Variants in RAE1 observed in about 807,000 individuals in gnomAD.
The protein encoded by RAE1 is mRNA export factor RAE1.
A neutral mutation model predicts 52.7 loss-of-function variants in RAE1; 13 were observed. The observed-to-expected ratio is 0.25, with a 90% CI of 0.16 to 0.39. RAE1 has a LOEUF of 0.39. RAE1 is among the 10% of genes least tolerant of loss of function. RAE1 has a pLI of 1.00. For missense variants in RAE1, 262 were observed against 459.8 expected, an observed-to-expected ratio of 0.57 and a Z score of 3.93; for synonymous variants, 164 against 153.1, an observed-to-expected ratio of 1.07 and a Z score of -0.52.
At chr20:57,373,952 G>A (rs2067073819) in intron 10 of RAE1, among the ~76,000 whole-genome samples, 1 of 152,198 alleles carries the variant, frequency 6.6e-6, no homozygotes, top group Non-Finnish European at 1.5e-5. Context: ...GGAGTGCAGT[G>A]GCGTGATATC....
rs2067149829 is a variant in RAE1, at chr20:57,378,669, G to T, written c.*570G>T. On this transcript the variant is annotated 3_prime_UTR_variant, in exon 12 of 12. Coordinates refer to ENST00000395841, the MANE Select transcript of RAE1 (RefSeq NM_003610.4). The stretch of plus-strand genomic sequence containing the variant: ...GAGCCCTGGTGGGCAGAGTTTGAAT[G>T]TGTTTTTCCTTGCTTCCCTCATTCC... 6.6e-6 allele frequency: 1 copy of T among 152,356 alleles called. No individual in the cohort carries two copies. Among genetic ancestry groups the T allele is most frequent in the Non-Finnish European group, 1.5e-5 (1 of 68,146 alleles). The allele number at this position is 152,356 out of a possible 1,614,324, so 9.4% of individuals were successfully genotyped here.
In RAE1 at chr20:57,354,019, C is replaced by G; in HGVS notation, c.-7-13C>G. 6.2e-7 allele frequency: 1 copy of G among 1,604,586 alleles called. No homozygotes were observed. Among genetic ancestry groups the G allele is most frequent in the Non-Finnish European group, 8.5e-7 (1 of 1,173,468 alleles). On this transcript the variant is annotated splice_polypyrimidine_tract_variant and intron_variant, in intron 1 of 11. Coordinates refer to ENST00000395841, the MANE Select transcript of RAE1 (RefSeq NM_003610.4). ...GAGAAAACCCATCCTTAACATTTTT[C>G]ATTACTTTTTAGGTTCAAAATGAGC...
chr20:57,373,128 G>T, intron 8 of RAE1: 1 of 301,538 alleles, frequency 3.3e-6, no homozygotes, highest in Non-Finnish European at 6.3e-6. Flanking sequence ...ACCTCCTGAG[G>T]GGTGTCTGCC....
At chr20:57,369,742 C>T (rs2067007785) in intron 8 of RAE1, among the ~76,000 whole-genome samples, 1 of 152,346 alleles carries the variant, frequency 6.6e-6, no homozygotes, top group African/African-American at 2.4e-5. Flanking sequence ...CACAGGGCTG[C>T]TGGGCCTGCA....
chr20:57,375,331 G>T lies in RAE1; in HGVS notation c.1020+530G>T, dbSNP rs578023604. Among the ~76,000 whole-genome samples, 2 of 152,252 alleles carry T rather than the reference G, an allele frequency of 1.3e-5. 1 individual carries two copies. The highest frequency in any genetic ancestry group is 4.1e-4 in the South Asian group (2 of 4,830). On this transcript the variant is annotated intron_variant, in intron 11 of 11. Coordinates refer to ENST00000395841, the MANE Select transcript of RAE1 (RefSeq NM_003610.4). The stretch of plus-strand genomic sequence containing the variant: ...ACTGCTCAGCTCTTCTGGAGAGGTT[G>T]TCATCATTGTATTTGTGGTTTTCAT...
intron 7 of RAE1, 44 bp downstream of exon 7, chr20:57,367,123 CAAAA>C (rs2066966522): frequency 2.8e-6 from 4 of 1,425,266 alleles, no homozygotes; most frequent in Non-Finnish European, 3.9e-6. Flanking sequence ...AAAAAAAAAA[CAAAA>C]TAAGTATTCT....
intron 11 of RAE1, among the ~76,000 whole-genome samples, chr20:57,375,522 G>A (rs1196837199): frequency 2.0e-5 from 3 of 152,000 alleles, no homozygotes; most frequent in Admixed American, 6.6e-5. Flanking sequence ...CGCTGACCCC[G>A]TCTCCTTCCA....
At chr20:57,359,413 A>T (rs1424763642) in intron 4 of RAE1, 2 of 159,840 alleles carry the variant, frequency 1.3e-5, no homozygotes, top group African/African-American at 4.8e-5. Context: ...GTCCAATGTG[A>T]TGTTAGGAGT....
chr20:57,352,313 G>A (rs997768581), intron 1 of RAE1, among the ~76,000 whole-genome samples: 5 of 152,226 alleles, frequency 3.3e-5, no homozygotes, highest in African/African-American at 1.2e-4. Flanking sequence ...GGGATATGAA[G>A]ATTCAAACGG....
chr20:57,360,401 G>A (rs1414224641), intron 4 of RAE1, among the ~76,000 whole-genome samples: 2 of 152,128 alleles, frequency 1.3e-5, no homozygotes, highest in African/African-American at 4.8e-5. Context: ...CTGCAGATGG[G>A]CATATAGGCC....
chr20:57,367,756 A>G (rs907587870), intron 7 of RAE1, among the ~76,000 whole-genome samples: 6 of 151,586 alleles, frequency 4.0e-5, no homozygotes, highest in Non-Finnish European at 8.8e-5. Context: ...AAAAAAAAAA[A>G]AGGAAAGAAA....
intron 1 of RAE1, chr20:57,351,834 T>C (rs879786379): frequency 3.3e-4 from 330 of 985,354 alleles, no homozygotes; most frequent in Non-Finnish European, 3.7e-4. Context: ...TACCAGTCTC[T>C]GAAACTAAGT....
Position 57,378,165 on chromosome 20 carries a change from G to A in RAE1, c.*66G>A. 7.5e-7 allele frequency: 1 copy of A among 1,324,798 alleles called. No individual in the cohort carries two copies. The allele number at this position is 1,324,798 out of a possible 1,614,324, so 82.1% of individuals were successfully genotyped here. ...CTCTGCCTCATCTCTGTACGAATTT[G>A]GGTCCCAGCCTTGTTGGGTTGTCAG... On this transcript the variant is annotated 3_prime_UTR_variant, in exon 12 of 12. Transcript: ENST00000395841.
chr20:57,375,084 T>C, intron 11 of RAE1: 3 of 688,606 alleles, frequency 4.4e-6, no homozygotes, highest in Non-Finnish European at 8.0e-6. Flanking sequence ...AGCCGGGGGC[T>C]GCACTTTATG....
chr20:57,357,994 A>G (rs1005051517), intron 4 of RAE1: 2 of 150,112 alleles, frequency 1.3e-5, no homozygotes, highest in African/African-American at 5.1e-5. Flanking sequence ...TGATTAGTGC[A>G]TATTTTGAAT....
intron 11 of RAE1, 100 bp downstream of exon 11, chr20:57,374,901 C>T (rs755080218): frequency 1.8e-5 from 25 of 1,354,514 alleles, no homozygotes; most frequent in South Asian, 4.7e-5. Context: ...TCAGGACTCA[C>T]GTGTGTCCTT....
chr20:57,358,783 G>A (rs2066840265), intron 4 of RAE1: 2 of 404,452 alleles, frequency 4.9e-6, no homozygotes, highest in Non-Finnish European at 8.7e-6. Flanking sequence ...TTATTGGGTC[G>A]ATGTGTAATA....
intron 7 of RAE1, among the ~76,000 whole-genome samples, chr20:57,367,744 A>G (rs2066977914): frequency 6.6e-6 from 1 of 151,752 alleles, no homozygotes; most frequent in African/African-American, 2.4e-5. Context: ...TATCTCAAAA[A>G]AAAAAAAAAA....
intron 8 of RAE1, chr20:57,372,038 T>A (rs1286330156): frequency 6.6e-6 from 1 of 152,036 alleles, no homozygotes; most frequent in Non-Finnish European, 1.5e-5. Flanking sequence ...GGGAGCTACT[T>A]AATCAATGGG....
Sources: allele counts gnomAD v4.1 joint callset (sites outside exome capture counted in the v4.1 genomes callset), GRCh38; gene constraint gnomAD v4.1.1; transcripts MANE v1.5; gene names NCBI Gene and HGNC (gene_info 2026-07-23, HGNC 2026-07-21).